KCNMA1: variants seen among roughly 807,000 people sequenced by gnomAD.
The protein encoded by KCNMA1 is Calcium-activated potassium channel subunit alpha-1.
KCNMA1 carries 29 observed loss-of-function variants against 140.0 expected under a neutral mutation model. That is an observed-to-expected ratio of 0.21 (90% CI 0.15 to 0.28). KCNMA1 has a LOEUF of 0.28. Among genes scored for constraint, KCNMA1 ranks in the 10% least tolerant of loss-of-function variants. KCNMA1 has a pLI of 1.00. For missense variants in KCNMA1, 880 were observed against 1,602.2 expected, an observed-to-expected ratio of 0.55 and a Z score of 7.70; for synonymous variants, 612 against 611.9, an observed-to-expected ratio of 1.00 and a Z score of 0.00.
intron 1 of KCNMA1, among the ~76,000 whole-genome samples, chr10:77,617,336 C>T (rs1452246532): frequency 6.6e-6 from 1 of 152,172 alleles, no homozygotes; most frequent in Non-Finnish European, 1.5e-5. Context: ...AGAGGGCAGA[C>T]TGGGAGATGA....
intron 1 of KCNMA1, among the ~76,000 whole-genome samples, chr10:77,515,186 G>A (rs766609523): frequency 4.6e-5 from 7 of 152,120 alleles, no homozygotes; most frequent in African/African-American, 9.7e-5. Flanking sequence ...CGGTGAGTGA[G>A]GGGTGCTGCA....
intron 1 of KCNMA1, among the ~76,000 whole-genome samples, chr10:77,556,885 C>T (rs1603636060): frequency 6.6e-6 from 1 of 152,198 alleles, no homozygotes; most frequent in Non-Finnish European, 1.5e-5. Context: ...ATCACAAGCA[C>T]AATCAAACTG....
At chr10:77,375,081 CAAGAG>C (rs1385620152) in intron 2 of KCNMA1, among the ~76,000 whole-genome samples, 1 of 152,058 alleles carries the variant, frequency 6.6e-6, no homozygotes, top group African/African-American at 2.4e-5. Flanking sequence ...TGAGAAAAGT[CAAGAG>C]GAAGAGGAAG....
intron 20 of KCNMA1, among the ~76,000 whole-genome samples, chr10:76,958,672 A>T (rs1238001720): frequency 6.6e-6 from 1 of 152,154 alleles, no homozygotes; most frequent in Non-Finnish European, 1.5e-5. Context: ...CACAGGAGGG[A>T]AAATCATGTG....
At chr10:77,016,813 C>A (rs2092126404) in intron 17 of KCNMA1, among the ~76,000 whole-genome samples, 2 of 152,146 alleles carry the variant, frequency 1.3e-5, no homozygotes, top group South Asian at 4.2e-4. Context: ...TAAAACACTG[C>A]ATCTGAAGGT....
At chr10:77,471,914 C>T (rs1418371189) in intron 1 of KCNMA1, among the ~76,000 whole-genome samples, 1 of 151,346 alleles carries the variant, frequency 6.6e-6, no homozygotes, top group East Asian at 1.9e-4. Context: ...ACACACTATA[C>T]ACACACCATA....
At chr10:76,897,047 C>CACAA (rs1491567602) in intron 25 of KCNMA1, among the ~76,000 whole-genome samples, 19 of 145,894 alleles carry the variant, frequency 1.3e-4, no homozygotes, top group African/African-American at 4.8e-4. Flanking sequence ...CACACACACA[C>CACAA]AATTAGTGAT....
intron 25 of KCNMA1, among the ~76,000 whole-genome samples, chr10:76,894,783 A>T (rs963266859): frequency 1.3e-5 from 2 of 152,170 alleles, no homozygotes; most frequent in Admixed American, 1.3e-4. Context: ...TTTTACACCT[A>T]CTAGAATAGC....
At chr10:76,888,821 T>C (rs979985936) in intron 27 of KCNMA1, among the ~76,000 whole-genome samples, 3 of 152,150 alleles carry the variant, frequency 2.0e-5, no homozygotes, top group African/African-American at 7.2e-5. Context: ...GCCCAGCACT[T>C]TGGGAGGCCG....
intron 1 of KCNMA1, among the ~76,000 whole-genome samples, chr10:77,562,630 C>T (rs2066765711): frequency 6.6e-6 from 1 of 152,106 alleles, no homozygotes; most frequent in African/African-American, 2.4e-5. Flanking sequence ...TCCCTAGGCC[C>T]AGCATTCCCT....
At chr10:77,151,515 C>G (rs1367246921) in intron 5 of KCNMA1, among the ~76,000 whole-genome samples, 1 of 152,110 alleles carries the variant, frequency 6.6e-6, no homozygotes, top group East Asian at 1.9e-4. Context: ...GCATGAGCCA[C>G]CACACCTGGC....
At chr10:77,098,588 C>A (rs78270980) in intron 9 of KCNMA1, among the ~76,000 whole-genome samples, 3,648 of 148,610 alleles carry the variant, frequency 0.025, 60 homozygotes, top group South Asian at 0.058. Context: ...AAAAAAAAAA[C>A]AAAAAACTTT....
At chr10:77,481,954 C>T (rs762329587) in intron 1 of KCNMA1, among the ~76,000 whole-genome samples, 1 of 152,176 alleles carries the variant, frequency 6.6e-6, no homozygotes. Context: ...GGTGAGGAAA[C>T]ATGAACCAAA....
intron 20 of KCNMA1, among the ~76,000 whole-genome samples, chr10:76,968,373 A>G (rs1049301212): frequency 6.6e-6 from 1 of 152,232 alleles, no homozygotes; most frequent in African/African-American, 2.4e-5. Flanking sequence ...TGAAAACAGT[A>G]TAACTCCTCA....
chr10:77,420,241 TGCTCTCTGTAAGCCTCCACTGATG>T (rs2096838682), intron 1 of KCNMA1, among the ~76,000 whole-genome samples: 1 of 152,244 alleles, frequency 6.6e-6, no homozygotes, highest in Admixed American at 6.5e-5. Context: ...AGCACCTCTT[TGCTCTCTGTAAGCCTCCACTGATG>T]GCTCATGCCA....
At chr10:77,490,507 C>G (rs1326753457) in intron 1 of KCNMA1, among the ~76,000 whole-genome samples, 1 of 152,166 alleles carries the variant, frequency 6.6e-6, no homozygotes, top group Non-Finnish European at 1.5e-5. Flanking sequence ...CTTGGGCAAA[C>G]AGTTTTTGCT....
rs142057293 is a variant in KCNMA1 at position 77,130,479 on chromosome 10, G to C, written c.809-9431C>G. 1.8e-4 allele frequency among the ~76,000 whole-genome samples: 27 copies of C among 152,200 alleles called. 1 individual carries two copies. The highest frequency in any genetic ancestry group is 6.3e-4 in the African/African-American group (26 of 41,504). On this transcript the variant is annotated intron_variant, in intron 5 of 27. Coordinates refer to ENST00000286628, the MANE Select transcript of KCNMA1 (RefSeq NM_001161352.2). ...GGGTTTGTGAGGATGTAACTCCATG[G>C]TTAAATTGAGAAGCATCTGTATTCT... is the stretch of plus-strand genomic sequence containing the variant.
intron 1 of KCNMA1, among the ~76,000 whole-genome samples, chr10:77,484,552 G>A (rs1050469242): frequency 6.6e-6 from 1 of 152,206 alleles, no homozygotes; most frequent in African/African-American, 2.4e-5. Flanking sequence ...TGTCAGATGG[G>A]GAAATCAAGG....
intron 1 of KCNMA1, among the ~76,000 whole-genome samples, chr10:77,590,592 G>A (rs1204275157): frequency 1.3e-5 from 2 of 152,254 alleles, no homozygotes; most frequent in African/African-American, 2.4e-5. Flanking sequence ...CCCGCAAGCT[G>A]AGGGAGCCGG....
Sources: gnomAD v4.1 joint callset for allele counts (sites outside exome capture counted in the v4.1 genomes callset) on GRCh38, gnomAD v4.1.1 for gene constraint, MANE v1.5 for transcripts, NCBI Gene and HGNC (gene_info 2026-07-23, HGNC 2026-07-21) for gene names.